Variants in SEMA6D observed in about 807,000 individuals in gnomAD.
SEMA6D encodes the protein semaphorin-6D.
A neutral mutation model predicts 106.6 loss-of-function variants in SEMA6D; 35 were observed. That is an observed-to-expected ratio of 0.33 (90% CI 0.25 to 0.44). SEMA6D has a LOEUF of 0.44. SEMA6D is among the 20% of genes least tolerant of loss of function. The pLI, the probability that SEMA6D is intolerant of heterozygous loss-of-function variation, is 1.00. For missense variants in SEMA6D, 1,185 were observed against 1,345.9 expected (o/e 0.88, Z 1.87); for synonymous variants, 499 against 487.7 (o/e 1.02, Z -0.31).
intron 3 of SEMA6D, among the ~76,000 whole-genome samples, chr15:47,483,628 T>C (rs2043215901): frequency 2.0e-5 from 3 of 152,218 alleles, no homozygotes; most frequent in Middle Eastern, 3.4e-3. Flanking sequence ...TTAAAAATCA[T>C]AGAAGGATTT....
chr15:47,732,401 A>C (rs1435982893), intron 1 of SEMA6D, among the ~76,000 whole-genome samples: 1 of 152,170 alleles, frequency 6.6e-6, no homozygotes, highest in Non-Finnish European at 1.5e-5. Flanking sequence ...CAAGGTGAGA[A>C]TCCAACAGAT....
intron 4 of SEMA6D, among the ~76,000 whole-genome samples, chr15:47,675,678 T>C (rs1566977875): frequency 6.6e-6 from 1 of 152,248 alleles, no homozygotes; most frequent in Non-Finnish European, 1.5e-5. Flanking sequence ...AAATGACAGC[T>C]TGCAGAAAAC....
chr15:47,717,381 G>C (rs1204132425), upstream of SEMA6D: 1 of 152,028 alleles, frequency 6.6e-6, no homozygotes, highest in Non-Finnish European at 1.5e-5. Context: ...CCCGGGGGTG[G>C]GACCCGCGCC....
intron 1 of SEMA6D, among the ~76,000 whole-genome samples, chr15:47,208,127 G>A (rs1313906326): frequency 6.6e-6 from 1 of 151,836 alleles, no homozygotes; most frequent in Non-Finnish European, 1.5e-5. Flanking sequence ...ACTTAGAGCT[G>A]TGAGATTTGG....
chr15:47,277,580 A>ATATTATTAT (rs747605039), intron 1 of SEMA6D, among the ~76,000 whole-genome samples: 1 of 107,362 alleles, frequency 9.3e-6, no homozygotes, highest in African/African-American at 2.8e-5. Flanking sequence ...TAAGGTATGT[A>ATATTATTAT]TATTATTATT....
chr15:47,205,052 A>G (rs145308877), intron 1 of SEMA6D, among the ~76,000 whole-genome samples: 1,852 of 152,224 alleles, frequency 0.012, 43 homozygotes, highest in Admixed American at 0.012. Flanking sequence ...AAGAACATCA[A>G]AATTAATATT....
At chr15:47,347,055 C>T (rs1429956150) in intron 1 of SEMA6D, among the ~76,000 whole-genome samples, 2 of 152,150 alleles carry the variant, frequency 1.3e-5, no homozygotes, top group South Asian at 2.1e-4. Flanking sequence ...ATTACAGGCA[C>T]CCGCCATCAT....
intron 1 of SEMA6D, among the ~76,000 whole-genome samples, chr15:47,231,632 C>T (rs963993393): frequency 1.3e-5 from 2 of 151,978 alleles, no homozygotes; most frequent in Non-Finnish European, 2.9e-5. Context: ...TTCATAATTA[C>T]TTTTGTTTCT....
At position 47,562,942 on chromosome 15, in the gene SEMA6D, A is replaced by G. The variant is rs769630959; in HGVS notation, c.-86-37923A>G. Among the ~76,000 whole-genome samples, 7 of 152,296 alleles carry G rather than the reference A, an allele frequency of 4.6e-5. No individual in the cohort carries two copies. In the East Asian group the frequency reaches 9.6e-4, roughly 21 times the overall value. ...TTGGAAACTACCCAAATGTCCATCAATTGACAAATGCATAAACACAAGATG... is the reference window on the plus strand; with the variant it reads ...TTGGAAACTACCCAAATGTCCATCAGTTGACAAATGCATAAACACAAGATG... On this transcript the variant is annotated intron_variant, in intron 3 of 19. Transcript: ENST00000558014.
chr15:47,415,165 C>T (rs1275518833), intron 2 of SEMA6D, among the ~76,000 whole-genome samples: 1 of 152,142 alleles, frequency 6.6e-6, no homozygotes, highest in Non-Finnish European at 1.5e-5. Context: ...TGAAGGCTTA[C>T]AGTTGCTCTG....
At chr15:47,478,327 C>T (rs1320641745) in intron 3 of SEMA6D, among the ~76,000 whole-genome samples, 1 of 152,128 alleles carries the variant, frequency 6.6e-6, no homozygotes, top group Admixed American at 6.6e-5. Flanking sequence ...TTATGAAAAT[C>T]AAACACACTT....
chr15:47,616,391 C>G (rs868170001), intron 4 of SEMA6D, among the ~76,000 whole-genome samples: 2 of 151,866 alleles, frequency 1.3e-5, no homozygotes, highest in East Asian at 3.9e-4. Context: ...AGGATGGTCT[C>G]GATCTCCTGA....
rs117898157 is a variant in SEMA6D at position 47,729,753 on chromosome 15, C to T, written c.-55+12061C>T. ...CCCTCACTCTCTTACCCATCTCTCC[C>T]GCTCTTCTCTTCACTACACACTTAG... On this transcript the variant is annotated intron_variant, in intron 1 of 18. Transcript: ENST00000536845. 2.3e-3 allele frequency among the ~76,000 whole-genome samples: 352 copies of T among 152,310 alleles called. 2 individuals are homozygous for T. The highest frequency in any genetic ancestry group is 0.02 in the East Asian group (103 of 5,184).
intron 4 of SEMA6D, among the ~76,000 whole-genome samples, chr15:47,628,442 A>T (rs1162035239): frequency 6.6e-6 from 1 of 151,818 alleles, no homozygotes; most frequent in Non-Finnish European, 1.5e-5. Flanking sequence ...ACTATTTTTT[A>T]TTTTTGTCAT....
rs116926203 is a variant in SEMA6D, at chr15:47,569,691, A to G, written c.-86-31174A>G. Among the ~76,000 whole-genome samples the G allele has an allele frequency of 9.8e-3, 1,492 of 152,288 alleles. 9 individuals carry two copies. Among genetic ancestry groups the G allele is most frequent in the Admixed American group, 0.021 (318 of 15,300 alleles). On this transcript the variant is annotated intron_variant, in intron 3 of 19. Coordinates refer to the SEMA6D transcript ENST00000558014. ...TACAAAAGCTGGACACTTTATTGGA[A>G]TGGAGGAGGGAAATGCAGTGAGGGA...
intron 4 of SEMA6D, among the ~76,000 whole-genome samples, chr15:47,656,419 AC>A (rs1483164529): frequency 6.6e-6 from 1 of 152,196 alleles, no homozygotes; most frequent in Non-Finnish European, 1.5e-5. Flanking sequence ...CCAGCGTGGT[AC>A]CTGGCATATA....
chr15:47,219,821 T>C (rs186896836), intron 1 of SEMA6D, among the ~76,000 whole-genome samples: 1 of 152,206 alleles, frequency 6.6e-6, no homozygotes, highest in Non-Finnish European at 1.5e-5. Flanking sequence ...CTACTTTTTC[T>C]GGTCTTGGCT....
At chr15:47,734,814 G>A (rs1290492876) in intron 1 of SEMA6D, among the ~76,000 whole-genome samples, 1 of 152,136 alleles carries the variant, frequency 6.6e-6, no homozygotes, top group Non-Finnish European at 1.5e-5. Context: ...TGGGAATTAT[G>A]GGACCAAAAT....
At chr15:47,616,437 T>C (rs1263246479) in intron 4 of SEMA6D, among the ~76,000 whole-genome samples, 1 of 152,168 alleles carries the variant, frequency 6.6e-6, no homozygotes, top group Non-Finnish European at 1.5e-5. Context: ...CCCAAAGTGC[T>C]GGAATTACAT....
Sources: gnomAD v4.1 joint callset for allele counts (sites outside exome capture counted in the v4.1 genomes callset) on GRCh38, gnomAD v4.1.1 for gene constraint, MANE v1.5 for transcripts, NCBI Gene and HGNC (gene_info 2026-07-23, HGNC 2026-07-21) for gene names.